Variants in IRAG2 observed in about 807,000 individuals in gnomAD.
IRAG2 encodes lymphoid restricted membrane protein.
Under a neutral mutation model 69.9 loss-of-function variants are expected in IRAG2, and 45 were observed. That is an observed-to-expected ratio of 0.64 (90% confidence interval 0.51 to 0.83). The LOEUF (loss-of-function observed/expected upper bound fraction) is 0.83, where lower values mean the gene tolerates loss of function less well. Ranked by LOEUF, IRAG2 falls within the 40% of genes least tolerant of loss-of-function variation. The probability of loss-of-function intolerance (pLI) is 0.00; values close to 1 mark genes in which losing one functional copy is unlikely to be tolerated. For synonymous variants in IRAG2, 193 were observed against 202.4 expected, an observed-to-expected ratio of 0.95 and a Z score of 0.40; for missense variants, 520 against 587.0, an observed-to-expected ratio of 0.89 and a Z score of 1.18.
chr12:25,072,528 C>A (rs372711650), intron 6 of IRAG2, among the ~76,000 whole-genome samples: 1 of 152,178 alleles, frequency 6.6e-6, no homozygotes, highest in African/African-American at 2.4e-5. Context: ...AAATAGAAAG[C>A]TCTCCTTAGA....
chr12:25,069,420 C>G lies in IRAG2; in HGVS notation c.13C>G (p.Pro5Ala). ...AGGCTGCATCAGGATGAATGATGAC[C>G]CAAGTATGGAAGTGAGTGTTGGACT... MNDD[P>A]SMEENGVERV... Residue 5 changes from proline (P) to alanine (A), a missense_variant, in exon 6 of 22, where the codon CCA becomes GCA. Pro to Ala is a conservative substitution (Grantham distance 27). Coordinates refer to ENST00000556887, the MANE Select transcript of IRAG2 (RefSeq NM_001366544.2). The G allele has an allele frequency of 1.2e-6, 2 of 1,614,004 alleles. No individual in the cohort carries two copies. Among genetic ancestry groups the G allele is most frequent in the Non-Finnish European group, 1.7e-6 (2 of 1,179,924 alleles).
At chr12:25,080,390 C>T (rs1477155103) in intron 9 of IRAG2, among the ~76,000 whole-genome samples, 2 of 144,636 alleles carry the variant, frequency 1.4e-5, no homozygotes, top group African/African-American at 2.6e-5. Context: ...CTCGTTGTGT[C>T]GCCCAGGCTG....
At chr12:25,093,448 T>C (rs1948207092) in intron 14 of IRAG2, 4 of 152,914 alleles carry the variant, frequency 2.6e-5, no homozygotes, top group African/African-American at 9.6e-5. Context: ...GTCTTTATTT[T>C]CTCCACTGAC....
At chr12:25,106,604 A>C (rs1279468938) in intron 20 of IRAG2, among the ~76,000 whole-genome samples, 1 of 66,908 alleles carries the variant, frequency 1.5e-5, no homozygotes, top group Admixed American at 1.6e-4. Context: ...ACATTGGTTA[A>C]TGATGAGACT....
upstream of IRAG2, chr12:25,004,290 C>T: frequency 8.6e-7 from 1 of 1,159,968 alleles, no homozygotes; most frequent in Non-Finnish European, 1.1e-6. Flanking sequence ...CATGTATCTA[C>T]TTTTGCCTAT....
At chr12:25,075,733 A>C (rs1946652161) in intron 6 of IRAG2, 2 of 152,206 alleles carry the variant, frequency 1.3e-5, no homozygotes, top group Admixed American at 6.5e-5. Flanking sequence ...GCTTGGACAG[A>C]AAGAGCATTC....
At chr12:25,066,905 C>T (rs1000459170) in intron 5 of IRAG2, among the ~76,000 whole-genome samples, 4 of 152,094 alleles carry the variant, frequency 2.6e-5, no homozygotes, top group Admixed American at 6.5e-5. Flanking sequence ...CCTCCTCGGC[C>T]TCCCAAAGTG....
intron 9 of IRAG2, among the ~76,000 whole-genome samples, chr12:25,027,380 T>A (rs949624935): frequency 2.7e-5 from 4 of 149,596 alleles, no homozygotes; most frequent in African/African-American, 4.9e-5. Context: ...TAGCATGTAT[T>A]ACTACCTCTT....
intron 7 of IRAG2, chr12:25,023,765 A>T (rs1944601424): frequency 2.0e-6 from 1 of 504,892 alleles, no homozygotes; most frequent in South Asian, 1.0e-4. Flanking sequence ...TGATAGGTGA[A>T]TGCTACATTC....
At chr12:25,044,048 T>C (rs1161152660) in intron 16 of IRAG2, among the ~76,000 whole-genome samples, 4 of 152,188 alleles carry the variant, frequency 2.6e-5, no homozygotes, top group Non-Finnish European at 5.9e-5. Context: ...TTAATTCTTA[T>C]ATAAAAGTTA....
At chr12:25,086,664 G>A (rs989320251) in intron 10 of IRAG2, among the ~76,000 whole-genome samples, 3 of 152,084 alleles carry the variant, frequency 2.0e-5, no homozygotes, top group African/African-American at 4.8e-5. Context: ...GCTGTGACGC[G>A]GGGCTGGGGC....
chr12:25,024,000 A>C (rs1445918571), intron 8 of IRAG2: 1 of 779,258 alleles, frequency 1.3e-6, no homozygotes, highest in Non-Finnish European at 1.7e-6. Flanking sequence ...GGGTTAAATA[A>C]AAATCATGTA....
At chr12:25,044,602 T>C (rs10743531) in intron 16 of IRAG2, among the ~76,000 whole-genome samples, 119,628 of 151,956 alleles carry the variant, frequency 0.79, 48,769 homozygotes, top group South Asian at 0.89. Flanking sequence ...AAGCAAATGG[T>C]AGCCAAAAGA....
chr12:25,066,226 A>G (rs1591985712), intron 4 of IRAG2, 139 bp from the exon 5 acceptor site: 1 of 385,886 alleles, frequency 2.6e-6, no homozygotes, highest in East Asian at 3.7e-5. Flanking sequence ...TTAGGCATCA[A>G]GGGAGTTTAT....
intron 6 of IRAG2, among the ~76,000 whole-genome samples, chr12:25,077,204 T>C (rs1476884978): frequency 2.6e-5 from 3 of 114,310 alleles, no homozygotes; most frequent in Non-Finnish European, 5.3e-5. Flanking sequence ...ATGAAATATA[T>C]ATATGATATA....
intron 20 of IRAG2, among the ~76,000 whole-genome samples, chr12:25,106,422 TTAA>T (rs983874529): frequency 1.5e-5 from 2 of 132,332 alleles, no homozygotes; most frequent in South Asian, 2.6e-4. Context: ...TAAGCATATA[TTAA>T]TATGCATATA....
chr12:25,016,792 G>A (rs1452400486), intron 5 of IRAG2, among the ~76,000 whole-genome samples: 3 of 151,656 alleles, frequency 2.0e-5, no homozygotes, highest in African/African-American at 7.3e-5. Flanking sequence ...ATTTATTTCA[G>A]GATCTCTCAT....
intron 20 of IRAG2, among the ~76,000 whole-genome samples, chr12:25,105,502 A>G: frequency 6.6e-6 from 1 of 152,216 alleles, no homozygotes; most frequent in Non-Finnish European, 1.5e-5. Context: ...TAAGGAATAT[A>G]AAGATGAGCA....
intron 13 of IRAG2, among the ~76,000 whole-genome samples, chr12:25,034,209 C>T (rs569855126): frequency 8.5e-5 from 13 of 152,306 alleles, no homozygotes; most frequent in African/African-American, 2.9e-4. Context: ...TCTTTGTTTT[C>T]TTGACAGGAC....
Sources: gnomAD v4.1 joint callset for allele counts (sites outside exome capture counted in the v4.1 genomes callset) on GRCh38, gnomAD v4.1.1 for gene constraint, MANE v1.5 for transcripts, NCBI Gene and HGNC (gene_info 2026-07-23, HGNC 2026-07-21) for gene names.